Variants in SYNPR observed in about 807,000 individuals in gnomAD.
The protein encoded by SYNPR is synaptoporin.
In SYNPR, 23 loss-of-function variants were observed where a neutral mutation model predicts 32.9. The ratio of observed to expected loss-of-function variants is 0.70; its 90% CI spans 0.50 to 0.99. The LOEUF is 0.99. Ranked by LOEUF, SYNPR falls within the 50% of genes least tolerant of loss-of-function variation. The probability of loss-of-function intolerance (pLI) is 0.00; values close to 1 mark genes in which losing one functional copy is unlikely to be tolerated. For synonymous variants in SYNPR, 146 were observed against 135.9 expected (o/e 1.07, Z -0.52); for missense variants, 318 against 349.3 (o/e 0.91, Z 0.71).
intron 2 of SYNPR, among the ~76,000 whole-genome samples, chr3:63,321,906 C>A (rs2087114927): frequency 6.6e-6 from 1 of 152,048 alleles, no homozygotes; most frequent in Admixed American, 6.6e-5. Flanking sequence ...AACTAAAAAG[C>A]AGCCATGTCA....
intron 2 of SYNPR, among the ~76,000 whole-genome samples, chr3:63,475,803 C>A (rs998218788): frequency 6.6e-6 from 1 of 152,036 alleles, no homozygotes; most frequent in African/African-American, 2.4e-5. Flanking sequence ...GGCTATATAA[C>A]AGAAAGTTAT....
intron 2 of SYNPR, among the ~76,000 whole-genome samples, chr3:63,369,107 A>T (rs2087764907): frequency 6.6e-6 from 1 of 152,184 alleles, no homozygotes; most frequent in Admixed American, 6.5e-5. Flanking sequence ...AGGCCCTTAG[A>T]GTGGGAACTT....
chr3:63,524,845 G>GCA (rs1701978556), intron 3 of SYNPR, among the ~76,000 whole-genome samples: 1 of 119,884 alleles, frequency 8.3e-6, no homozygotes, highest in Admixed American at 9.4e-5. Context: ...GTGTGTGTGT[G>GCA]TGTGTGCATG....
chr3:63,562,023 T>C (rs1339618510), intron 4 of SYNPR, among the ~76,000 whole-genome samples: 1 of 152,224 alleles, frequency 6.6e-6, no homozygotes, highest in Non-Finnish European at 1.5e-5. Context: ...AGCTACTGTA[T>C]GTCACTACAG....
intron 1 of SYNPR, among the ~76,000 whole-genome samples, chr3:63,251,705 T>A (rs1324761739): frequency 6.6e-6 from 1 of 152,002 alleles, no homozygotes; most frequent in East Asian, 1.9e-4. Flanking sequence ...TCAGCAAAGA[T>A]CTACGTAATC....
chr3:63,300,198 G>A (rs2086829217), intron 2 of SYNPR, among the ~76,000 whole-genome samples: 1 of 152,088 alleles, frequency 6.6e-6, no homozygotes, highest in South Asian at 2.1e-4. Flanking sequence ...GAAGGAGTAT[G>A]ACCTGCCTCC....
At chr3:63,546,902 C>T (rs1318156432) in intron 3 of SYNPR, among the ~76,000 whole-genome samples, 1 of 152,106 alleles carries the variant, frequency 6.6e-6, no homozygotes, top group African/African-American at 2.4e-5. Flanking sequence ...GGAGATGAAA[C>T]TGTTTTTGAT....
rs535806268 is a variant in SYNPR at position 63,504,550 on chromosome 3, C to T, written c.209+23594C>T. ...GCCCCTTCGAGTGCAATGTGTATTACGTTCCAAGGCTAGCCCACCAAACCT... is the reference window on the plus strand; with the variant it reads ...GCCCCTTCGAGTGCAATGTGTATTATGTTCCAAGGCTAGCCCACCAAACCT... On this transcript the variant is annotated intron_variant, in intron 3 of 5. Transcript: ENST00000478300. Among the ~76,000 whole-genome samples, 5 of 152,174 alleles carry T rather than the reference C, an allele frequency of 3.3e-5. No homozygotes were observed. In the South Asian group the frequency reaches 8.3e-4, roughly 25 times the overall value.
intron 1 of SYNPR, among the ~76,000 whole-genome samples, chr3:63,242,392 G>A (rs2086255701): frequency 6.6e-6 from 1 of 152,028 alleles, no homozygotes; most frequent in Non-Finnish European, 1.5e-5. Flanking sequence ...TAGGGACTGG[G>A]AAAACTCTGC....
At chr3:63,341,135 C>T (rs1402572823) in intron 2 of SYNPR, among the ~76,000 whole-genome samples, 1 of 152,150 alleles carries the variant, frequency 6.6e-6, no homozygotes, top group East Asian at 1.9e-4. Flanking sequence ...TGAAATCATA[C>T]AGTTTGCAGC....
At chr3:63,228,116 G>A (rs986578337), upstream of SYNPR, among the ~76,000 whole-genome samples, 1 of 152,160 alleles carries the variant, frequency 6.6e-6, no homozygotes, top group African/African-American at 2.4e-5. Flanking sequence ...AAAGAAGGGA[G>A]GCCCGGTAGG....
chr3:63,402,821 G>T (rs926160273), intron 2 of SYNPR, among the ~76,000 whole-genome samples: 1 of 152,178 alleles, frequency 6.6e-6, no homozygotes, highest in Admixed American at 6.5e-5. Context: ...AAAGCATAGC[G>T]CACTTGACAT....
chr3:63,514,715 A>G (rs1246386271), intron 3 of SYNPR, among the ~76,000 whole-genome samples: 1 of 152,184 alleles, frequency 6.6e-6, no homozygotes, highest in Non-Finnish European at 1.5e-5. Flanking sequence ...AGATCAACCA[A>G]GAACTGCAGG....
At chr3:63,376,394 G>A (rs2087895757) in intron 2 of SYNPR, among the ~76,000 whole-genome samples, 1 of 152,006 alleles carries the variant, frequency 6.6e-6, no homozygotes, top group South Asian at 2.1e-4. Flanking sequence ...CTCGTACTTA[G>A]GATAAAATAC....
chr3:63,361,024 C>A (rs181161200), intron 2 of SYNPR, among the ~76,000 whole-genome samples: 2 of 152,138 alleles, frequency 1.3e-5, no homozygotes, highest in Non-Finnish European at 2.9e-5. Context: ...CGATAAATAT[C>A]GGAATAAATT....
intron 2 of SYNPR, among the ~76,000 whole-genome samples, chr3:63,418,159 C>T (rs1014579690): frequency 1.3e-5 from 2 of 152,148 alleles, no homozygotes; most frequent in African/African-American, 4.8e-5. Context: ...GAAATTTCTT[C>T]CTAAATCATC....
At chr3:63,420,703 T>G (rs1250741123) in intron 2 of SYNPR, among the ~76,000 whole-genome samples, 1 of 152,128 alleles carries the variant, frequency 6.6e-6, no homozygotes, top group African/African-American at 2.4e-5. Flanking sequence ...TAGGCTTTAT[T>G]TTAAATTTTT....
intron 2 of SYNPR, among the ~76,000 whole-genome samples, chr3:63,256,669 T>C (rs1005206158): frequency 3.9e-5 from 6 of 152,110 alleles, no homozygotes; most frequent in Non-Finnish European, 8.8e-5. Context: ...CACCTCTCCT[T>C]CTCCAAAGGA....
intron 2 of SYNPR, among the ~76,000 whole-genome samples, chr3:63,331,385 T>C (rs1243713064): frequency 6.6e-6 from 1 of 152,212 alleles, no homozygotes; most frequent in Non-Finnish European, 1.5e-5. Context: ...TAGATGCTCA[T>C]GAGCAAGTGC....
Sources: gnomAD v4.1 joint callset for allele counts (sites outside exome capture counted in the v4.1 genomes callset) on GRCh38, gnomAD v4.1.1 for gene constraint, MANE v1.5 for transcripts, NCBI Gene and HGNC (gene_info 2026-07-23, HGNC 2026-07-21) for gene names.